CACNB4: variants seen among roughly 807,000 people sequenced by gnomAD.
CACNB4 encodes the protein calcium voltage-gated channel auxiliary subunit beta 4.
CACNB4 carries 32 observed loss-of-function variants against 71.2 expected under a neutral mutation model. The observed-to-expected ratio is 0.45, with a 90% CI of 0.34 to 0.60. The LOEUF is 0.60. CACNB4 is among the 20% of genes least tolerant of loss of function. The pLI is 0.01. For synonymous variants in CACNB4, 231 were observed against 236.9 expected (o/e 0.97, Z 0.23); for missense variants, 464 against 647.9 (o/e 0.72, Z 3.08).
At chr2:152,042,679 G>A (rs2105252425) in intron 2 of CACNB4, among the ~76,000 whole-genome samples, 1 of 37,080 alleles carries the variant, frequency 2.7e-5, no homozygotes, top group East Asian at 1.1e-3. Context: ...TGAAAGTGTT[G>A]TTAATTTTAT....
intron 2 of CACNB4, among the ~76,000 whole-genome samples, chr2:151,890,825 A>G (rs1385039093): frequency 6.6e-6 from 1 of 152,198 alleles, no homozygotes; most frequent in African/African-American, 2.4e-5. Context: ...GTAGGCTACC[A>G]AGGTTTTGGT....
At chr2:151,943,323 C>T (rs981702212) in intron 2 of CACNB4, among the ~76,000 whole-genome samples, 1 of 152,042 alleles carries the variant, frequency 6.6e-6, no homozygotes, top group East Asian at 1.9e-4. Context: ...TGTGTTCTGC[C>T]CAAATTGTCA....
At chr2:151,887,522 A>T (rs1385270988) in intron 2 of CACNB4, among the ~76,000 whole-genome samples, 1 of 152,088 alleles carries the variant, frequency 6.6e-6, no homozygotes, top group African/African-American at 2.4e-5. Flanking sequence ...AGATAGTAAC[A>T]CTGGAAAATC....
chr2:151,998,246 A>G (rs532907322), intron 2 of CACNB4, among the ~76,000 whole-genome samples: 2 of 149,444 alleles, frequency 1.3e-5, no homozygotes, highest in African/African-American at 5.0e-5. Flanking sequence ...AATCGCTTGA[A>G]CTCAGGAGGC....
rs572400489 is a variant in CACNB4 at position 151,991,731 on chromosome 2, G to A, written c.147+106599C>T. Among the ~76,000 whole-genome samples, 10 of 152,066 alleles carry A rather than the reference G, an allele frequency of 6.6e-5. No homozygotes were observed. In the East Asian group the frequency reaches 1.2e-3, roughly 18 times the overall value. On this transcript the variant is annotated intron_variant, in intron 2 of 13. Coordinates refer to ENST00000539935, the MANE Select transcript of CACNB4 (RefSeq NM_000726.5). ...CTGGCTTCCATTTTTTAAAAAAATC[G>A]TGAAAAACTATCTTTCTCTATAGGG...
chr2:152,005,205 T>C (rs1682653244), intron 2 of CACNB4, among the ~76,000 whole-genome samples: 1 of 152,150 alleles, frequency 6.6e-6, no homozygotes, highest in Non-Finnish European at 1.5e-5. Flanking sequence ...CTTTCTGCCA[T>C]AAAGACACAT....
At chr2:152,005,198 T>G (rs1239268360) in intron 2 of CACNB4, among the ~76,000 whole-genome samples, 1 of 152,184 alleles carries the variant, frequency 6.6e-6, no homozygotes, top group Non-Finnish European at 1.5e-5. Flanking sequence ...AATGAATCTT[T>G]CTGCCATAAA....
intron 2 of CACNB4, among the ~76,000 whole-genome samples, chr2:152,058,068 C>T (rs1266519547): frequency 6.6e-6 from 1 of 152,154 alleles, no homozygotes; most frequent in Non-Finnish European, 1.5e-5. Flanking sequence ...CCACTTTGCT[C>T]CTCACTCTTC....
chr2:151,860,552 C>T (rs2099841376), intron 10 of CACNB4, 159 bp downstream of exon 10: 2 of 649,112 alleles, frequency 3.1e-6, no homozygotes, highest in African/African-American at 1.8e-5. Flanking sequence ...TACTGCAAGA[C>T]TCTGCTGCCT....
intron 2 of CACNB4, among the ~76,000 whole-genome samples, chr2:152,097,456 A>G: frequency 6.6e-6 from 1 of 152,174 alleles, no homozygotes; most frequent in East Asian, 1.9e-4. Flanking sequence ...GAAACCTAGG[A>G]CACACCCCGA....
At chr2:151,962,799 A>G (rs2099869997) in intron 2 of CACNB4, 3 of 152,238 alleles carry the variant, frequency 2.0e-5, no homozygotes. Flanking sequence ...AACGCTTGAA[A>G]GAAATTGGGA....
At chr2:151,931,194 T>C (rs945033915) in intron 2 of CACNB4, among the ~76,000 whole-genome samples, 1 of 152,186 alleles carries the variant, frequency 6.6e-6, no homozygotes, top group Non-Finnish European at 1.5e-5. Context: ...CAGCTGGCTA[T>C]TGATCAAGAA....
At chr2:152,019,562 G>C (rs1683541584) in intron 2 of CACNB4, among the ~76,000 whole-genome samples, 1 of 152,268 alleles carries the variant, frequency 6.6e-6, no homozygotes. Flanking sequence ...GGATGGATAA[G>C]TGGATACATG....
At chr2:151,868,387 G>A (rs920596961) in intron 9 of CACNB4, 1 of 151,994 alleles carries the variant, frequency 6.6e-6, no homozygotes, top group Non-Finnish European at 1.5e-5. Context: ...ATAAATCTCA[G>A]GTTTTTTCAT....
At chr2:151,866,223 C>T (rs1353934039) in intron 9 of CACNB4, 2 of 152,204 alleles carry the variant, frequency 1.3e-5, no homozygotes, top group Non-Finnish European at 1.5e-5. Flanking sequence ...TATGATTCTG[C>T]AATAGTCAAA....
intron 2 of CACNB4, among the ~76,000 whole-genome samples, chr2:152,039,789 G>A (rs1430081622): frequency 6.6e-6 from 1 of 152,334 alleles, no homozygotes; most frequent in African/African-American, 2.4e-5. Context: ...AACTACGTAA[G>A]TCCTCAGAAA....
intron 2 of CACNB4, among the ~76,000 whole-genome samples, chr2:152,037,238 G>A (rs1009034226): frequency 1.3e-5 from 2 of 152,170 alleles, no homozygotes; most frequent in African/African-American, 4.8e-5. Context: ...CTTTGAACAA[G>A]TACTCAAAGG....
At chr2:152,070,804 A>G (rs184466064) in intron 2 of CACNB4, among the ~76,000 whole-genome samples, 164 of 152,244 alleles carry the variant, frequency 1.1e-3, no homozygotes, top group African/African-American at 3.7e-3. Flanking sequence ...GTCTCACTCT[A>G]TTGCCCAGGC....
chr2:151,892,604 G>C (rs2151481065), intron 2 of CACNB4, among the ~76,000 whole-genome samples: 1 of 152,188 alleles, frequency 6.6e-6, no homozygotes, highest in Admixed American at 6.5e-5. Context: ...CTGAATCCAG[G>C]TATGCCATCA....
Sources: gnomAD v4.1 joint callset for allele counts (sites outside exome capture counted in the v4.1 genomes callset) on GRCh38, gnomAD v4.1.1 for gene constraint, MANE v1.5 for transcripts, NCBI Gene and HGNC (gene_info 2026-07-23, HGNC 2026-07-21) for gene names.